The following DOCK3 variants were observed in gnomAD, a reference collection of about 807,000 sequenced individuals.
The protein encoded by DOCK3 is dedicator of cytokinesis protein 3.
Under a neutral mutation model 265.6 loss-of-function variants are expected in DOCK3, and 60 were observed. The ratio of observed to expected loss-of-function variants is 0.23; its 90% CI spans 0.18 to 0.28. The LOEUF is 0.28. DOCK3 is among the 10% of genes least tolerant of loss of function. The probability of loss-of-function intolerance (pLI) is 1.00; values close to 1 mark genes in which losing one functional copy is unlikely to be tolerated. For missense variants in DOCK3, 1,981 were observed against 2,594.3 expected, an observed-to-expected ratio of 0.76 and a Z score of 5.14; for synonymous variants, 881 against 938.0, an observed-to-expected ratio of 0.94 and a Z score of 1.11.
chr3:50,858,422 T>TATA (rs149503894), intron 3 of DOCK3, among the ~76,000 whole-genome samples: 6,532 of 124,038 alleles, frequency 0.053, 167 homozygotes, highest in South Asian at 0.078. Context: ...TAACTTAAAA[T>TATA]ATAATAATAA....
In DOCK3 at chr3:50,731,802, G is replaced by GA. The variant is rs1459268862; in HGVS notation, c.38-46866dup. ...TAGAATGTTTCTCTCCTAAGCTTGG[G>GA]AAAAAAACAATGATATCTGCCTTCA... On this transcript the variant is annotated intron_variant, in intron 1 of 52. Coordinates refer to ENST00000266037, the MANE Select transcript of DOCK3 (RefSeq NM_004947.5). Among the ~76,000 whole-genome samples the GA allele has an allele frequency of 5.9e-5, 9 of 151,964 alleles. No individual in the cohort carries two copies. The East Asian group carries it at 1.7e-3, about 29-fold the overall frequency.
At chr3:50,966,678 A>G (rs2077043445) in intron 5 of DOCK3, among the ~76,000 whole-genome samples, 1 of 152,108 alleles carries the variant, frequency 6.6e-6, no homozygotes, top group South Asian at 2.1e-4. Context: ...GGCACCAGCT[A>G]CTTGGAGTTT....
At chr3:50,744,406 A>T (rs2039287001) in intron 1 of DOCK3, among the ~76,000 whole-genome samples, 1 of 150,506 alleles carries the variant, frequency 6.6e-6, no homozygotes, top group African/African-American at 2.4e-5. Context: ...TTTAGTTTTT[A>T]TGTGTAGCTC....
chr3:50,773,233 A>G (rs2041385062), intron 1 of DOCK3, among the ~76,000 whole-genome samples: 1 of 152,152 alleles, frequency 6.6e-6, no homozygotes, highest in Non-Finnish European at 1.5e-5. Context: ...GGATATTCAC[A>G]TGCAGAAGAA....
intron 12 of DOCK3, among the ~76,000 whole-genome samples, chr3:51,203,770 C>T (rs867938545): frequency 6.6e-6 from 1 of 152,190 alleles, no homozygotes; most frequent in Non-Finnish European, 1.5e-5. Context: ...AATTATACTA[C>T]AAGGCTACAG....
chr3:51,007,381 T>A (rs1448961502), intron 5 of DOCK3, among the ~76,000 whole-genome samples: 3 of 152,208 alleles, frequency 2.0e-5, no homozygotes, highest in Non-Finnish European at 4.4e-5. Context: ...CCAGTGATGA[T>A]GAGCATTTTT....
At chr3:51,238,087 A>G (rs955786717) in intron 21 of DOCK3, among the ~76,000 whole-genome samples, 2 of 135,608 alleles carry the variant, frequency 1.5e-5, no homozygotes, top group African/African-American at 5.5e-5. Flanking sequence ...CCTTTCAAAG[A>G]CTGAATAATG....
intron 5 of DOCK3, among the ~76,000 whole-genome samples, chr3:50,958,858 T>C (rs7433944): frequency 0.94 from 143,532 of 152,250 alleles, 68,296 homozygotes; most frequent in East Asian, 1. Context: ...TTGTGAGATA[T>C]GTGTTTCACA....
intron 2 of DOCK3, among the ~76,000 whole-genome samples, chr3:50,782,153 G>A (rs1017781617): frequency 1.3e-5 from 2 of 152,136 alleles, no homozygotes; most frequent in Non-Finnish European, 2.9e-5. Context: ...TATTGGGATT[G>A]ATGGGTCGAA....
Position 50,970,891 on chromosome 3 carries a change from TTATATATATATATATA to T in DOCK3, c.315+36855_315+36870del, listed in dbSNP as rs55749209. ...ACATACTACCACACTCATCTAATTT[TTATATATATATATATA>T]TATATATATATATATATATATATAT... is the stretch of plus-strand genomic sequence containing the variant. On this transcript the variant is annotated intron_variant, in intron 5 of 52. Coordinates refer to ENST00000266037, the MANE Select transcript of DOCK3 (RefSeq NM_004947.5). Among the ~76,000 whole-genome samples, 48 of 12,154 alleles carry T rather than the reference TTATATATATATATATA, an allele frequency of 3.9e-3. 1 individual carries two copies. Among genetic ancestry groups the T allele is most frequent in the African/African-American group, 6.1e-3 (29 of 4,738 alleles). The allele number at this position is 12,154 out of a possible 152,430, so 8.0% of individuals were successfully genotyped here. A position where few individuals can be genotyped will look rare whatever the true frequency, so the allele number is the denominator to read the frequency against.
chr3:51,305,731 TGCGC>T lies in DOCK3; in HGVS notation c.2923-4499_2923-4496del, dbSNP rs768014652. Among the ~76,000 whole-genome samples, 143 of 141,932 alleles carry T rather than the reference TGCGC, an allele frequency of 1.0e-3. No individual in the cohort carries two copies. In the East Asian group the frequency reaches 0.02, roughly 20 times the overall value. The allele number at this position is 141,932 out of a possible 152,430, so 93.1% of individuals were successfully genotyped here. On this transcript the variant is annotated intron_variant, in intron 27 of 52. Transcript: ENST00000266037. ...GTGTGTGTGTCTGTGTGTGTGTGTG[TGCGC>T]GTGTGTGTGTGTGTGTGTGTGTGTG...
intron 1 of DOCK3, among the ~76,000 whole-genome samples, chr3:50,711,902 A>G (rs2036796763): frequency 6.6e-6 from 1 of 152,056 alleles, no homozygotes; most frequent in Non-Finnish European, 1.5e-5. Context: ...TTCTTCAGTA[A>G]TTCGTCTCTT....
In DOCK3 at chr3:50,698,517, G is replaced by GTTTTTTTTTTTTTTTTTTTTTTT; in HGVS notation, c.37+23220_37+23242dup. 6.9e-3 allele frequency among the ~76,000 whole-genome samples: 135 copies of GTTTTTTTTTTTTTTTTTTTTTTT among 19,516 alleles called. 58 individuals carry two copies. The highest frequency in any genetic ancestry group is 0.012 in the Non-Finnish European group (99 of 8,462). 12.8% of individuals were successfully genotyped at this position (19,516 alleles called of 152,430 possible). A position where few individuals can be genotyped will look rare whatever the true frequency, so the allele number is the denominator to read the frequency against. ...GTTTCTCTGTGGATGTATGTTTTTGGTTTTTTTTTTTTTTTTTTTTTTTTT... is the reference window on the plus strand; with the variant it reads ...GTTTCTCTGTGGATGTATGTTTTTGGTTTTTTTTTTTTTTTTTTTTTTTTTTTTTTTTTTTTTTTTTTTTTTTT... On this transcript the variant is annotated intron_variant, in intron 1 of 52. Coordinates refer to ENST00000266037, the MANE Select transcript of DOCK3 (RefSeq NM_004947.5).
chr3:50,883,726 A>G (rs768515633), intron 3 of DOCK3, among the ~76,000 whole-genome samples: 1 of 152,110 alleles, frequency 6.6e-6, no homozygotes, highest in African/African-American at 2.4e-5. Context: ...TAAATATTTT[A>G]TACTTATTTT....
At chr3:51,161,512 G>A (rs2086142612) in intron 12 of DOCK3, among the ~76,000 whole-genome samples, 3 of 152,124 alleles carry the variant, frequency 2.0e-5, no homozygotes, top group African/African-American at 7.2e-5. Flanking sequence ...GATTTGGGGT[G>A]GGGCCCAGGC....
intron 3 of DOCK3, among the ~76,000 whole-genome samples, chr3:50,862,622 T>G (rs2046968441): frequency 6.6e-6 from 1 of 152,182 alleles, no homozygotes; most frequent in Non-Finnish European, 1.5e-5. Flanking sequence ...GACCTTCACT[T>G]CATAAAGACT....
intron 5 of DOCK3, among the ~76,000 whole-genome samples, chr3:50,959,990 T>A (rs1395406752): frequency 6.6e-6 from 1 of 152,244 alleles, no homozygotes; most frequent in Non-Finnish European, 1.5e-5. Context: ...TCATCCATGT[T>A]GACTTCTTTT....
intron 5 of DOCK3, among the ~76,000 whole-genome samples, chr3:50,941,962 C>CT (rs1056322357): frequency 3.9e-5 from 6 of 152,002 alleles, no homozygotes; most frequent in African/African-American, 1.4e-4. Flanking sequence ...TGGCACAGTT[C>CT]TGAGTTCTGA....
intron 7 of DOCK3, 85 bp from the exon 8 acceptor site, chr3:51,089,158 G>A: frequency 7.2e-7 from 1 of 1,383,522 alleles, no homozygotes; most frequent in Non-Finnish European, 1.0e-6. Context: ...AAAAGGCATA[G>A]CAGACTGCCC....
Sources: allele counts gnomAD v4.1 joint callset (sites outside exome capture counted in the v4.1 genomes callset), GRCh38; gene constraint gnomAD v4.1.1; transcripts MANE v1.5; gene names NCBI Gene and HGNC (gene_info 2026-07-23, HGNC 2026-07-21).